MALRD1: variants seen among roughly 807,000 people sequenced by gnomAD.
MALRD1 encodes MAM and LDL-receptor class A domain-containing protein 1.
In MALRD1, 247 loss-of-function variants were observed where a neutral mutation model predicts 242.1. That is an observed-to-expected ratio of 1.02 (90% CI 0.92 to 1.13). The LOEUF (loss-of-function observed/expected upper bound fraction) is 1.13. Ranked by LOEUF, MALRD1 falls within the 50% of genes most tolerant of loss-of-function variation. MALRD1 has a pLI of 0.00. For synonymous variants in MALRD1, 995 were observed against 866.6 expected, an observed-to-expected ratio of 1.15 and a Z score of -2.60; for missense variants, 2,989 against 2,533.1, an observed-to-expected ratio of 1.18 and a Z score of -3.86.
At chr10:19,539,456 C>A (rs3864836) in intron 32 of MALRD1, among the ~76,000 whole-genome samples, 108 of 152,204 alleles carry the variant, frequency 7.1e-4, no homozygotes, top group African/African-American at 2.5e-3. Flanking sequence ...AAATCTAATT[C>A]TTTAAAAGGT....
chr10:19,049,326 A>C (rs1834417913), intron 1 of MALRD1, among the ~76,000 whole-genome samples, 189 bp downstream of exon 1: 1 of 152,160 alleles, frequency 6.6e-6, no homozygotes, highest in African/African-American at 2.4e-5. Context: ...AAAATTATCA[A>C]ATCATGAAGA....
At chr10:19,661,609 G>A (rs1841441056) in intron 36 of MALRD1, among the ~76,000 whole-genome samples, 1 of 152,066 alleles carries the variant, frequency 6.6e-6, no homozygotes, top group Non-Finnish European at 1.5e-5. Context: ...CACAGGAAGG[G>A]AAGCATCACA....
chr10:19,418,079 G>A (rs1211298414), intron 28 of MALRD1, among the ~76,000 whole-genome samples: 2 of 151,728 alleles, frequency 1.3e-5, no homozygotes, highest in African/African-American at 2.4e-5. Flanking sequence ...TTTTAATATC[G>A]ATGATCCCAT....
chr10:19,098,744 T>G (rs1341282250), intron 4 of MALRD1, among the ~76,000 whole-genome samples: 1 of 152,152 alleles, frequency 6.6e-6, no homozygotes, highest in African/African-American at 2.4e-5. Context: ...ATCAAAGACG[T>G]GAACATACAA....
chr10:19,717,010 C>A (rs1234234308), intron 38 of MALRD1: 1 of 152,160 alleles, frequency 6.6e-6, no homozygotes, highest in African/African-American at 2.4e-5. Context: ...TCAAAATTCT[C>A]ATTTTTCTTT....
intron 18 of MALRD1, among the ~76,000 whole-genome samples, chr10:19,220,624 G>A (rs1011578907): frequency 1.3e-5 from 2 of 151,756 alleles, no homozygotes; most frequent in African/African-American, 2.4e-5. Context: ...TTAATAATTC[G>A]ACCCAGATGC....
At chr10:19,548,405 T>A (rs571473968) in intron 32 of MALRD1, among the ~76,000 whole-genome samples, 1 of 152,226 alleles carries the variant, frequency 6.6e-6, no homozygotes, top group South Asian at 2.1e-4. Context: ...GACATAATAT[T>A]TTTGCCTATT....
intron 2 of MALRD1, among the ~76,000 whole-genome samples, chr10:19,077,181 T>A (rs967810850): frequency 3.3e-5 from 5 of 151,938 alleles, no homozygotes; most frequent in Non-Finnish European, 5.9e-5. Context: ...TTTTACATCA[T>A]TTATTTTCAG....
At chr10:19,312,932 A>T (rs1003193707) in intron 21 of MALRD1, among the ~76,000 whole-genome samples, 1 of 151,522 alleles carries the variant, frequency 6.6e-6, no homozygotes, top group African/African-American at 2.4e-5. Context: ...CATTGTAAAA[A>T]CGGAACATCT....
In MALRD1 at chr10:19,457,851, A is replaced by C. The variant is rs147231662; in HGVS notation, c.5029+7361A>C. Reference sequence around the variant, plus strand: ...AGTACTAGTTTAAGTATTTTAAAACATTGTTAAGTGATGTTTTAAAATTTT... The same window carrying C: ...AGTACTAGTTTAAGTATTTTAAAACCTTGTTAAGTGATGTTTTAAAATTTT... On this transcript the variant is annotated intron_variant, in intron 29 of 39. Coordinates refer to ENST00000454679, the MANE Select transcript of MALRD1 (RefSeq NM_001142308.3). Among the ~76,000 whole-genome samples, 557 of 151,972 alleles carry C rather than the reference A, an allele frequency of 3.7e-3. 1 individual carries two copies. Among genetic ancestry groups the C allele is most frequent in the African/African-American group, 0.013 (529 of 41,442 alleles).
In MALRD1 at chr10:19,237,740, A is replaced by C. The variant is rs1456281372; in HGVS notation, c.2992-19944A>C. On this transcript the variant is annotated intron_variant, in intron 18 of 39. Transcript: ENST00000454679. ...TATATATAAATATATAATTATATAT[A>C]ATTTATATATAAAACCATAATTATA... is the stretch of plus-strand genomic sequence containing the variant. Among the ~76,000 whole-genome samples, 28 of 115,494 alleles carry C rather than the reference A, an allele frequency of 2.4e-4. No homozygotes were observed. The East Asian group carries it at 5.4e-3, about 22-fold the overall frequency. The allele number at this position is 115,494 out of a possible 152,430, so 75.8% of individuals were successfully genotyped here.
intron 7 of MALRD1, among the ~76,000 whole-genome samples, chr10:19,125,310 CTTCCTTCCTTCCTTCTTTCTTTCT>C (rs1445823491): frequency 2.1e-4 from 15 of 71,522 alleles, no homozygotes; most frequent in African/African-American, 9.8e-4. Flanking sequence ...TCCTTCCTTC[CTTCCTTCCTTCCTTCTTTCTTTCT>C]TTCTTTCTTT....
At position 19,612,553 on chromosome 10, in the gene MALRD1, A is replaced by G. The variant is rs73595862; in HGVS notation, c.6071-3304A>G. Reference sequence around the variant, plus strand: ...CCTGCTATCCCTTCTCTAGTGTGCAATGACTGCCTTTATTAGCCCATTCTC... The same window carrying G: ...CCTGCTATCCCTTCTCTAGTGTGCAGTGACTGCCTTTATTAGCCCATTCTC... On this transcript the variant is annotated intron_variant, in intron 35 of 39. Coordinates refer to ENST00000454679, the MANE Select transcript of MALRD1 (RefSeq NM_001142308.3). Among the ~76,000 whole-genome samples the G allele has an allele frequency of 2.9e-3, 439 of 151,882 alleles. 2 individuals are homozygous for G. Among genetic ancestry groups the G allele is most frequent in the African/African-American group, 0.01 (416 of 41,454 alleles).
intron 19 of MALRD1, among the ~76,000 whole-genome samples, chr10:19,260,949 G>A (rs1839720236): frequency 6.6e-6 from 1 of 152,142 alleles, no homozygotes; most frequent in Admixed American, 6.6e-5. Context: ...TATAAGTAGT[G>A]TGGATGAGAA....
intron 19 of MALRD1, among the ~76,000 whole-genome samples, chr10:19,278,912 G>A (rs1326747948): frequency 6.6e-6 from 1 of 152,180 alleles, no homozygotes; most frequent in African/African-American, 2.4e-5. Context: ...ATTGCAATGG[G>A]AAGGGGAGAA....
chr10:19,492,348 A>G (rs1205103096), intron 30 of MALRD1, among the ~76,000 whole-genome samples: 2 of 152,180 alleles, frequency 1.3e-5, no homozygotes, highest in Admixed American at 6.5e-5. Context: ...CTGCCTAACA[A>G]GCTACCCCAG....
chr10:19,300,691 C>T (rs1841911845), intron 21 of MALRD1, among the ~76,000 whole-genome samples: 1 of 151,886 alleles, frequency 6.6e-6, no homozygotes, highest in Non-Finnish European at 1.5e-5. Context: ...CTTCCTTACT[C>T]CATATTCAAA....
chr10:19,063,728 G>A (rs1156633690), intron 1 of MALRD1, among the ~76,000 whole-genome samples: 6 of 150,064 alleles, frequency 4.0e-5, no homozygotes, highest in Non-Finnish European at 7.4e-5. Flanking sequence ...TCACTCATAG[G>A]TGGGAATTGA....
At chr10:19,074,073 G>A (rs1835243194) in intron 2 of MALRD1, among the ~76,000 whole-genome samples, 1 of 152,032 alleles carries the variant, frequency 6.6e-6, no homozygotes, top group Admixed American at 6.6e-5. Flanking sequence ...AGAAATGACT[G>A]GAAACAAAGA....
Sources: gnomAD v4.1 joint callset for allele counts (sites outside exome capture counted in the v4.1 genomes callset) on GRCh38, gnomAD v4.1.1 for gene constraint, MANE v1.5 for transcripts, NCBI Gene and HGNC (gene_info 2026-07-23, HGNC 2026-07-21) for gene names.